Variants in DPP10 observed in about 807,000 individuals in gnomAD.
DPP10 encodes the protein dipeptidyl peptidase like 10, also known as inactive dipeptidyl peptidase 10.
In DPP10, 33 loss-of-function variants were observed where a neutral mutation model predicts 120.9. The ratio of observed to expected loss-of-function variants is 0.27; its 90% CI spans 0.21 to 0.37. The LOEUF (loss-of-function observed/expected upper bound fraction) is 0.37, where lower values mean the gene tolerates loss of function less well. DPP10 is among the 10% of genes least tolerant of loss of function. DPP10 has a pLI of 1.00. For missense variants in DPP10, 816 were observed against 942.8 expected, an observed-to-expected ratio of 0.87 and a Z score of 1.76; for synonymous variants, 337 against 326.1, an observed-to-expected ratio of 1.03 and a Z score of -0.36.
At chr2:115,346,624 T>C (rs111662450) in intron 3 of DPP10, among the ~76,000 whole-genome samples, 41 of 152,312 alleles carry the variant, frequency 2.7e-4, no homozygotes, top group African/African-American at 9.4e-4. Context: ...TCTAGCAATG[T>C]CACCTTGAAA....
intron 3 of DPP10, among the ~76,000 whole-genome samples, chr2:115,429,189 AT>A (rs373046142): frequency 0.069 from 10,459 of 150,874 alleles, 458 homozygotes; most frequent in Middle Eastern, 0.13. Context: ...CATTTAAGGA[AT>A]TTTTTTTTCC....
At chr2:115,502,782 C>T (rs1291899304) in intron 4 of DPP10, among the ~76,000 whole-genome samples, 1 of 152,110 alleles carries the variant, frequency 6.6e-6, no homozygotes, top group Non-Finnish European at 1.5e-5. Flanking sequence ...AGTCTTTAAA[C>T]TCCTGGGCTC....
chr2:114,857,575 A>G (rs925774766), intron 1 of DPP10, among the ~76,000 whole-genome samples: 1 of 152,044 alleles, frequency 6.6e-6, no homozygotes, highest in Non-Finnish European at 1.5e-5. Flanking sequence ...CTTCCTCACA[A>G]CCATCCCAGG....
At chr2:115,249,691 C>T (rs1056601497) in intron 1 of DPP10, among the ~76,000 whole-genome samples, 31 of 152,012 alleles carry the variant, frequency 2.0e-4, no homozygotes, top group Admixed American at 3.3e-4. Context: ...ACAACTTCTA[C>T]GTAAGAAGAA....
chr2:114,897,601 G>C (rs1397732388), intron 1 of DPP10, among the ~76,000 whole-genome samples: 2 of 151,686 alleles, frequency 1.3e-5, no homozygotes, highest in Admixed American at 1.3e-4. Context: ...CTACTCATCT[G>C]ACAAAGGGCT....
At chr2:115,285,197 C>A (rs2105895143) in intron 1 of DPP10, among the ~76,000 whole-genome samples, 1 of 152,158 alleles carries the variant, frequency 6.6e-6, no homozygotes, top group Middle Eastern at 3.4e-3. Context: ...TCTACAGTGA[C>A]ATACATGCCC....
In DPP10 at chr2:114,469,984, C is replaced by A. The variant is rs541629598; in HGVS notation, c.60+27146C>A. Among the ~76,000 whole-genome samples the A allele has an allele frequency of 1.4e-4, 21 of 152,314 alleles. No individual in the cohort carries two copies. The South Asian group carries it at 4.3e-3, about 32-fold the overall frequency. ...CCAGGGTAAAGAAACCAAAAACCAA[C>A]AAGGCCAAACCAATGGACACCTTGA... On this transcript the variant is annotated intron_variant, in intron 1 of 25. Transcript: ENST00000410059.
Position 115,087,533 on chromosome 2 carries a change from C to CTTTTTTTT in DPP10, c.61-221702_61-221701insTTTTTTTT, listed in dbSNP as rs1310507943. Among the ~76,000 whole-genome samples the CTTTTTTTT allele has an allele frequency of 1.3e-4, 12 of 92,588 alleles. 1 individual carries two copies. Among genetic ancestry groups the CTTTTTTTT allele is most frequent in the East Asian group, 2.8e-4 (1 of 3,628 alleles). The allele number at this position is 92,588 out of a possible 152,430, so 60.7% of individuals were successfully genotyped here. ...TCTTTTTCTTTCTTTCTTTTCTTTT[C>CTTTTTTTT]TTTTCTTTTTTTTTTTTTTTTTTGA... On this transcript the variant is annotated intron_variant, in intron 1 of 25. Transcript: ENST00000410059.
chr2:115,324,345 C>T (rs2062226830), intron 2 of DPP10, among the ~76,000 whole-genome samples: 2 of 152,164 alleles, frequency 1.3e-5, no homozygotes, highest in African/African-American at 2.4e-5. Context: ...GAAAATCTCT[C>T]GTTTAGCATA....
At chr2:114,950,023 T>C (rs1386542142) in intron 1 of DPP10, among the ~76,000 whole-genome samples, 1 of 152,202 alleles carries the variant, frequency 6.6e-6, no homozygotes, top group African/African-American at 2.4e-5. Flanking sequence ...CTAATGTGAC[T>C]TAAAAAAATT....
chr2:115,133,585 A>G (rs931357976), intron 1 of DPP10, among the ~76,000 whole-genome samples: 24 of 152,158 alleles, frequency 1.6e-4, no homozygotes, highest in Non-Finnish European at 2.9e-4. Context: ...TCTATTATAT[A>G]AAGCTCATTT....
At chr2:115,438,502 T>C (rs567912220) in intron 3 of DPP10, among the ~76,000 whole-genome samples, 2 of 152,312 alleles carry the variant, frequency 1.3e-5, no homozygotes, top group South Asian at 4.1e-4. Flanking sequence ...CAGATGTTTA[T>C]TGATGGATGA....
chr2:114,511,323 G>A (rs1684129259), intron 1 of DPP10, among the ~76,000 whole-genome samples: 1 of 152,166 alleles, frequency 6.6e-6, no homozygotes, highest in South Asian at 2.1e-4. Context: ...CAGGAATTCA[G>A]GCCCTGAGAA....
intron 1 of DPP10, among the ~76,000 whole-genome samples, chr2:115,240,763 A>G: frequency 6.6e-6 from 1 of 151,928 alleles, no homozygotes. Flanking sequence ...CTAAGTACCC[A>G]CTCCTTATAC....
intron 3 of DPP10, among the ~76,000 whole-genome samples, chr2:115,386,894 G>A (rs1233463828): frequency 6.6e-6 from 1 of 150,408 alleles, no homozygotes; most frequent in Non-Finnish European, 1.5e-5. Context: ...TACTTTTTAA[G>A]TACTCAGTAA....
In DPP10 at chr2:115,844,364, A is replaced by G. The variant is rs1431894157; in HGVS notation, c.*2019A>G. The G allele has an allele frequency of 6.6e-6, 1 of 152,114 alleles. No homozygotes were observed. Among genetic ancestry groups the G allele is most frequent in the African/African-American group, 2.4e-5 (1 of 41,168 alleles). 9.4% of individuals were successfully genotyped at this position (152,114 alleles called of 1,614,324 possible). A position where few individuals can be genotyped will look rare whatever the true frequency, so the allele number is the denominator to read the frequency against. On this transcript the variant is annotated 3_prime_UTR_variant, in exon 26 of 26. Transcript: ENST00000410059. The stretch of plus-strand genomic sequence containing the variant: ...AAAGTATTTGCCTTTTACTGTCATC[A>G]TTTCTCTTGTTTTATTATTATTATC...
At chr2:115,717,345 G>A (rs557348976) in intron 7 of DPP10, among the ~76,000 whole-genome samples, 3 of 152,086 alleles carry the variant, frequency 2.0e-5, no homozygotes, top group East Asian at 1.9e-4. Context: ...TAACCTGCAC[G>A]TTGTGCACAT....
At chr2:115,788,854 C>A (rs934942549) in intron 17 of DPP10, among the ~76,000 whole-genome samples, 2 of 152,256 alleles carry the variant, frequency 1.3e-5, no homozygotes, top group East Asian at 1.9e-4. Context: ...CGGTGGCTCA[C>A]GCCTGTAATC....
intron 1 of DPP10, among the ~76,000 whole-genome samples, chr2:114,721,760 A>G (rs1295476629): frequency 6.6e-6 from 1 of 152,242 alleles, no homozygotes; most frequent in Admixed American, 6.5e-5. Context: ...GATTCCAGAT[A>G]CAGACTAAAG....
Sources: gnomAD v4.1 joint callset for allele counts (sites outside exome capture counted in the v4.1 genomes callset) on GRCh38, gnomAD v4.1.1 for gene constraint, MANE v1.5 for transcripts, NCBI Gene and HGNC (gene_info 2026-07-23, HGNC 2026-07-21) for gene names.